ZDHHC11: variants seen among roughly 807,000 people sequenced by gnomAD.
ZDHHC11 encodes the protein zDHHC palmitoyltransferase 11, also known as palmitoyltransferase ZDHHC11.
ZDHHC11 carries 44 observed loss-of-function variants against 51.3 expected under a neutral mutation model. The ratio of observed to expected loss-of-function variants is 0.86; its 90% confidence interval spans 0.67 to 1.10. The LOEUF is 1.10. Among genes scored for constraint, ZDHHC11 ranks in the 50% least tolerant of loss-of-function variants. The probability of loss-of-function intolerance (pLI) is 0.00; values close to 1 mark genes in which losing one functional copy is unlikely to be tolerated. For synonymous variants in ZDHHC11, 163 were observed against 222.0 expected (o/e 0.73, Z 2.36); for missense variants, 400 against 537.7 (o/e 0.74, Z 2.53).
intron 11 of ZDHHC11, among the ~76,000 whole-genome samples, chr5:804,037 A>C (rs554621334): frequency 2.3e-4 from 35 of 150,938 alleles, no homozygotes; most frequent in Admixed American, 1.3e-4. Context: ...TATGCAACAT[A>C]GGAGTCTCCA....
At chr5:834,243 G>A (rs1418648189) in intron 6 of ZDHHC11, among the ~76,000 whole-genome samples, 2 of 152,288 alleles carry the variant, frequency 1.3e-5, no homozygotes, top group African/African-American at 4.8e-5. Context: ...GTAGAATGAT[G>A]TTGAGCATTT....
intron 1 of ZDHHC11, among the ~76,000 whole-genome samples, chr5:856,012 C>T (rs1748190446): frequency 6.6e-6 from 1 of 151,974 alleles, no homozygotes; most frequent in African/African-American, 2.4e-5. Flanking sequence ...GCATGGACCC[C>T]ATGGAGGACA....
chr5:852,320 C>G (rs1265342324), upstream of ZDHHC11, among the ~76,000 whole-genome samples: 1 of 152,192 alleles, frequency 6.6e-6, no homozygotes, highest in Non-Finnish European at 1.5e-5. Flanking sequence ...ACACGTTCAT[C>G]TGTCAGGATT....
chr5:800,349 C>G (rs1738240276), intron 12 of ZDHHC11, among the ~76,000 whole-genome samples: 1 of 150,692 alleles, frequency 6.6e-6, no homozygotes, highest in African/African-American at 2.4e-5. Flanking sequence ...AAGGCAGGTA[C>G]TGAACGGTAG....
chr5:827,157 C>G (rs1367794474), intron 7 of ZDHHC11, among the ~76,000 whole-genome samples: 3 of 150,036 alleles, frequency 2.0e-5, no homozygotes, highest in Admixed American at 1.3e-4. Flanking sequence ...GAGAAAATGT[C>G]TGTTTCAGAA....
At chr5:813,569 T>C (rs909344682) in intron 11 of ZDHHC11, among the ~76,000 whole-genome samples, 1 of 147,514 alleles carries the variant, frequency 6.8e-6, no homozygotes, top group Non-Finnish European at 1.5e-5. Flanking sequence ...CTGAATAATG[T>C]CGGCCGTGTC....
intron 7 of ZDHHC11, among the ~76,000 whole-genome samples, chr5:828,384 G>A (rs570090109): frequency 2.7e-5 from 4 of 148,546 alleles, no homozygotes; most frequent in Admixed American, 6.7e-5. Context: ...CCTCCCTCCT[G>A]GACGGGGCGG....
At chr5:838,180 C>T (rs1481970933) in intron 5 of ZDHHC11, among the ~76,000 whole-genome samples, 1 of 151,986 alleles carries the variant, frequency 6.6e-6, no homozygotes, top group Non-Finnish European at 1.5e-5. Flanking sequence ...GACAGCTCAG[C>T]AGGCTGGCCA....
rs1042352492 is a variant in ZDHHC11 at position 820,510 on chromosome 5, T to C, written c.1059-898A>G. ...CATTTCCAGGGACACAGGCCCTGTC[T>C]CTTCTGCCCAGGAAGCTGTGGGCTG... On this transcript the variant is annotated intron_variant, in intron 9 of 12. Transcript: ENST00000283441. Among the ~76,000 whole-genome samples the C allele has an allele frequency of 4.6e-5, 7 of 151,408 alleles. No homozygotes were observed. In the East Asian group the frequency reaches 1.2e-3, roughly 25 times the overall value.
At chr5:808,627 C>T (rs1285994441) in intron 11 of ZDHHC11, among the ~76,000 whole-genome samples, 1 of 149,006 alleles carries the variant, frequency 6.7e-6, no homozygotes, top group Admixed American at 6.7e-5. Flanking sequence ...CCTTCACCTC[C>T]CAGGTTCAAG....
intron 1 of ZDHHC11, 37 bp from the exon 2 acceptor site, chr5:848,697 T>C (rs760404228): frequency 1.2e-6 from 2 of 1,611,460 alleles, no homozygotes; most frequent in Non-Finnish European, 1.7e-6. Context: ...CAGGGCCTGG[T>C]CAGCCTGGCA....
At chr5:849,332 C>A (rs533868521) in intron 1 of ZDHHC11, among the ~76,000 whole-genome samples, 90 of 152,260 alleles carry the variant, frequency 5.9e-4, no homozygotes, top group African/African-American at 1.9e-3. Context: ...CCCTTTACAG[C>A]TTGAGGGACA....
intron 1 of ZDHHC11, among the ~76,000 whole-genome samples, chr5:849,193 T>C (rs560315530): frequency 2.0e-5 from 3 of 152,260 alleles, no homozygotes; most frequent in Admixed American, 6.5e-5. Context: ...CCTGTGCCAG[T>C]CGGGGACCGG....
intron 11 of ZDHHC11, among the ~76,000 whole-genome samples, chr5:810,547 A>G (rs1462548865): frequency 6.6e-6 from 1 of 151,148 alleles, no homozygotes; most frequent in Non-Finnish European, 1.5e-5. Context: ...CGTGTGGCAA[A>G]GCGTGACATG....
At chr5:851,702 G>A (rs779684276), upstream of ZDHHC11, among the ~76,000 whole-genome samples, 33 of 152,170 alleles carry the variant, frequency 2.2e-4, no homozygotes, top group Admixed American at 6.5e-5. Flanking sequence ...GGACCCTGGG[G>A]CTTGAGTCAC....
upstream of ZDHHC11, among the ~76,000 whole-genome samples, chr5:852,237 AG>A: frequency 6.6e-6 from 1 of 152,360 alleles, no homozygotes; most frequent in Non-Finnish European, 1.5e-5. Flanking sequence ...TATCAAATCC[AG>A]GAAGGACCAC....
intron 1 of ZDHHC11, 90 bp from the exon 2 acceptor site, chr5:848,750 C>T (rs1746654897): frequency 1.9e-6 from 3 of 1,539,240 alleles, no homozygotes; most frequent in Admixed American, 3.9e-5. Context: ...AGAGGCGTGG[C>T]CGCTGGTCAG....
chr5:856,936 C>T (rs79814886), intron 1 of ZDHHC11, among the ~76,000 whole-genome samples: 3,776 of 150,788 alleles, frequency 0.025, 156 homozygotes, highest in African/African-American at 0.084. Context: ...CACACACCAC[C>T]GAGCACACCC....
intron 1 of ZDHHC11, among the ~76,000 whole-genome samples, chr5:849,037 C>A (rs1033740840): frequency 2.2e-4 from 34 of 151,852 alleles, no homozygotes; most frequent in Non-Finnish European, 4.6e-4. Context: ...GCCCTATACA[C>A]CCGGCCCTTC....
Sources: gnomAD v4.1 joint callset for allele counts (sites outside exome capture counted in the v4.1 genomes callset) on GRCh38, gnomAD v4.1.1 for gene constraint, MANE v1.5 for transcripts, NCBI Gene and HGNC (gene_info 2026-07-23, HGNC 2026-07-21) for gene names.